NT5DC3: variants seen among roughly 807,000 people sequenced by gnomAD.
NT5DC3 encodes the protein 5'-nucleotidase domain-containing protein 3.
In NT5DC3, 42 loss-of-function variants were observed where a neutral mutation model predicts 67.8. That is an observed-to-expected ratio of 0.62 (90% CI 0.48 to 0.80). The LOEUF is 0.80. Ranked by LOEUF, NT5DC3 falls within the 30% of genes least tolerant of loss-of-function variation. The pLI is 0.00. For missense variants in NT5DC3, 570 were observed against 696.4 expected (o/e 0.82, Z 2.04); for synonymous variants, 237 against 255.6 (o/e 0.93, Z 0.69).
chr12:103,808,192 A>C (rs1215125075), intron 2 of NT5DC3, among the ~76,000 whole-genome samples: 3 of 152,150 alleles, frequency 2.0e-5, no homozygotes, highest in African/African-American at 4.8e-5. Flanking sequence ...ACTACACGGC[A>C]GGCCCTACCA....
chr12:103,755,170 G>T, the NT5DC3 span: 1 of 1,252,260 alleles, frequency 8.0e-7, no homozygotes, highest in Non-Finnish European at 1.1e-6. Flanking sequence ...CTGTGTGCCA[G>T]GCACAGAGGT....
chr12:103,793,816 G>A, intron 7 of NT5DC3, 121 bp downstream of exon 7: 1 of 771,808 alleles, frequency 1.3e-6, no homozygotes, highest in South Asian at 1.6e-5. Flanking sequence ...AGGATGCCAG[G>A]TCCTTACAGA....
the NT5DC3 span, chr12:103,759,334 T>C: frequency 4.4e-6 from 7 of 1,593,266 alleles, no homozygotes; most frequent in Non-Finnish European, 6.0e-6. Context: ...GTTCCTGGCA[T>C]ACAGTAGGTG....
Position 103,777,928 on chromosome 12 carries a change from G to A in NT5DC3, c.1548C>T (p.Phe516=). Residue 516 remains phenylalanine, a synonymous_variant, in exon 14 of 14, where the codon TTC becomes TTT. Transcript: ENST00000392876. ...GCTGCAGTGGAGTCCTCCGGGGGTA[G>A]AAAGTGTGGCTGACGTCATAGTTCA... ...CLLNYDVSHT[F]YPRRTPLQHE... The A allele has an allele frequency of 6.2e-7, 1 of 1,614,228 alleles. No homozygotes were observed. Among genetic ancestry groups the A allele is most frequent in the Non-Finnish European group, 8.5e-7 (1 of 1,180,048 alleles).
chr12:103,812,502 T>C (rs1375945980), intron 2 of NT5DC3, among the ~76,000 whole-genome samples: 1 of 145,066 alleles, frequency 6.9e-6, no homozygotes, highest in Non-Finnish European at 1.5e-5. Flanking sequence ...GCTTTTATTT[T>C]ATCCATCTAT....
rs72379630 is a variant in NT5DC3, at chr12:103,799,804, CAA to C, written c.525-1129_525-1128del. On this transcript the variant is annotated intron_variant, in intron 4 of 13. Coordinates refer to ENST00000392876, the MANE Select transcript of NT5DC3 (RefSeq NM_001031701.3). ...AAATGAATCCACCTCCTCCACATACCAAAAAAAAAAAAAGATTTGTGAAGTCA... is the reference window on the plus strand; with the variant it reads ...AAATGAATCCACCTCCTCCACATACCAAAAAAAAAAAGATTTGTGAAGTCA... Among the ~76,000 whole-genome samples the C allele has an allele frequency of 1.3e-3, 165 of 131,458 alleles. 1 individual carries two copies. Among genetic ancestry groups the C allele is most frequent in the African/African-American group, 1.8e-3 (62 of 33,768 alleles). 86.2% of individuals were successfully genotyped at this position (131,458 alleles called of 152,430 possible).
In NT5DC3 at chr12:103,806,376, G is replaced by T; in HGVS notation, c.470C>A (p.Ala157Glu). The T allele has an allele frequency of 6.3e-7, 1 of 1,597,298 alleles. No individual in the cohort carries two copies. Among genetic ancestry groups the T allele is most frequent in the Non-Finnish European group, 8.6e-7 (1 of 1,164,804 alleles). The change falls in exon 4 of 14, where the codon GCA (alanine) becomes GAA (glutamate). Residue 157 changes from alanine (A) to glutamate (E), a missense_variant and splice_region_variant. This residue lies in a region of NT5DC3 where 466 missense variants were observed against 608.0 expected (regional missense o/e 0.77). Coordinates refer to ENST00000392876, the MANE Select transcript of NT5DC3 (RefSeq NM_001031701.3). ...IRGLHYDVQRAVLMKIDAFHY... is the reference protein window; with the variant it reads ...IRGLHYDVQREVLMKIDAFHY... ...AAAAGCATCGATCTTCATTAATACT[G>T]CCTTTAAAAACATAAACATATGCAC...
intron 1 of NT5DC3, among the ~76,000 whole-genome samples, chr12:103,830,914 G>A (rs1295693608): frequency 6.6e-6 from 1 of 152,064 alleles, no homozygotes; most frequent in African/African-American, 2.4e-5. Context: ...CTCCCTTATG[G>A]TGGCTTATTT....
At chr12:103,755,635 G>C in the NT5DC3 span, 6 of 1,614,132 alleles carry the variant, frequency 3.7e-6, no homozygotes, top group Non-Finnish European at 5.1e-6. Context: ...CTGCAAGGTG[G>C]GCTATGTGGG....
chr12:103,755,130 A>G, the NT5DC3 span: 2 of 834,142 alleles, frequency 2.4e-6, no homozygotes. Context: ...CAGTGGCTCA[A>G]TCAATCAGTC....
Position 103,774,045 on chromosome 12 carries a change from A to G in NT5DC3, c.*3784T>C, listed in dbSNP as rs1275817717. Reference sequence around the variant, plus strand: ...AGGGGGAAAGTGGGAGCTCTAAGCCAAACAACTAAAGTATTTCAAAAGCCA... The same window carrying G: ...AGGGGGAAAGTGGGAGCTCTAAGCCGAACAACTAAAGTATTTCAAAAGCCA... On this transcript the variant is annotated 3_prime_UTR_variant, in exon 14 of 14. Transcript: ENST00000392876. 1 of 152,256 alleles carries G rather than the reference A, an allele frequency of 6.6e-6. No homozygotes were observed. Among genetic ancestry groups the G allele is most frequent in the Non-Finnish European group, 1.5e-5 (1 of 68,044 alleles). 9.4% of individuals were successfully genotyped at this position (152,256 alleles called of 1,614,324 possible). A position where few individuals can be genotyped will look rare whatever the true frequency, so the allele number is the denominator to read the frequency against.
At chr12:103,767,078 G>A (rs1379778736), downstream of NT5DC3, among the ~76,000 whole-genome samples, 1 of 151,858 alleles carries the variant, frequency 6.6e-6, no homozygotes, top group Non-Finnish European at 1.5e-5. Context: ...CCACCCCTAG[G>A]TATATATCCA....
intron 13 of NT5DC3, among the ~76,000 whole-genome samples, chr12:103,779,891 C>T (rs1885477855): frequency 1.3e-5 from 2 of 152,094 alleles, no homozygotes; most frequent in Non-Finnish European, 2.9e-5. Context: ...AAATAAGCAC[C>T]AGGGTCGTAG....
At chr12:103,785,017 G>A (rs767882285) in intron 12 of NT5DC3, among the ~76,000 whole-genome samples, 4 of 152,186 alleles carry the variant, frequency 2.6e-5, no homozygotes, top group Non-Finnish European at 5.9e-5. Flanking sequence ...ACCGTAGCAG[G>A]TGCAGACAGA....
At chr12:103,840,032 G>T (rs1888312096) in intron 1 of NT5DC3, among the ~76,000 whole-genome samples, 1 of 152,126 alleles carries the variant, frequency 6.6e-6, no homozygotes, top group African/African-American at 2.4e-5. Flanking sequence ...GTTCCCAAAT[G>T]GTCAACGGAG....
intron 5 of NT5DC3, 42 bp downstream of exon 5, chr12:103,798,545 A>G (rs1464948445): frequency 7.2e-7 from 1 of 1,383,192 alleles, no homozygotes; most frequent in Non-Finnish European, 1.0e-6. Context: ...TGTTTCAAGA[A>G]GGAAAAAGGC....
intron 1 of NT5DC3, among the ~76,000 whole-genome samples, chr12:103,840,215 G>T (rs1888321978): frequency 6.6e-6 from 1 of 152,126 alleles, no homozygotes; most frequent in Non-Finnish European, 1.5e-5. Context: ...CCCGGCACTG[G>T]TATTTATTAG....
chr12:103,840,060 T>C (rs958235857), intron 1 of NT5DC3, among the ~76,000 whole-genome samples: 1 of 152,116 alleles, frequency 6.6e-6, no homozygotes, highest in African/African-American at 2.4e-5. Context: ...AACAGGACAG[T>C]GGGTTAGGAG....
chr12:103,777,844 C>T lies in NT5DC3; in HGVS notation c.1632G>A (p.Glu544=), dbSNP rs1238783987. The T allele has an allele frequency of 6.2e-7, 1 of 1,612,856 alleles. No homozygotes were observed. The highest frequency in any genetic ancestry group is 1.3e-5 in the African/African-American group (1 of 74,884). ...PPTFGTPLLQ[E]AQAK ...TTGCCCTTGGCTACTTGGCCTGGGCCTCCTGCAGGAGAGGGGTTCCGAAGG... is the reference window on the plus strand; with the variant it reads ...TTGCCCTTGGCTACTTGGCCTGGGCTTCCTGCAGGAGAGGGGTTCCGAAGG... Residue 544 remains glutamate (E), a synonymous_variant, in exon 14 of 14, where the codon GAG becomes GAA. Transcript: ENST00000392876.
Sources: gnomAD v4.1 joint callset for allele counts (sites outside exome capture counted in the v4.1 genomes callset) on GRCh38, gnomAD v4.1.1 for gene constraint, gnomAD v4.1.1 regional missense constraint, MANE v1.5 for transcripts, NCBI Gene and HGNC (gene_info 2026-07-23, HGNC 2026-07-21) for gene names.